The following SHANK2 variants were observed in gnomAD, a reference collection of about 807,000 sequenced individuals.
SHANK2 encodes the protein SH3 and multiple ankyrin repeat domains protein 2.
A neutral mutation model predicts 133.7 loss-of-function variants in SHANK2; 43 were observed. The ratio of observed to expected loss-of-function variants is 0.32; its 90% CI spans 0.25 to 0.41. The LOEUF (loss-of-function observed/expected upper bound fraction) is 0.41. Among genes scored for constraint, SHANK2 ranks in the 10% least tolerant of loss-of-function variants. The probability of loss-of-function intolerance (pLI) is 1.00; values close to 1 mark genes in which losing one functional copy is unlikely to be tolerated. For synonymous variants in SHANK2, 1,017 were observed against 952.8 expected, an observed-to-expected ratio of 1.07 and a Z score of -1.24; for missense variants, 1,994 against 2,235.8, an observed-to-expected ratio of 0.89 and a Z score of 2.18.
intron 17 of SHANK2, among the ~76,000 whole-genome samples, chr11:70,548,468 G>A (rs185272690): frequency 6.6e-6 from 1 of 152,272 alleles, no homozygotes; most frequent in East Asian, 1.9e-4. Context: ...GCTGGGCTCC[G>A]TTCTCAGGGC....
Position 70,581,552 on chromosome 11 carries a change from G to A in SHANK2, c.2061+78276C>T, listed in dbSNP as rs1008978372. Reference sequence around the variant, plus strand: ...CTAAAAATACAAAAATTAACCGGGCGTGGTGGCACGTGCCTGTAATCCCAG... The same window carrying A: ...CTAAAAATACAAAAATTAACCGGGCATGGTGGCACGTGCCTGTAATCCCAG... On this transcript the variant is annotated intron_variant, in intron 17 of 25. Transcript: ENST00000601538. Among the ~76,000 whole-genome samples, 7 of 152,126 alleles carry A rather than the reference G, an allele frequency of 4.6e-5. No homozygotes were observed. In the East Asian group the frequency reaches 5.8e-4, roughly 13 times the overall value.
At chr11:71,180,478 T>C (rs1294669911) in intron 2 of SHANK2, among the ~76,000 whole-genome samples, 9 of 152,084 alleles carry the variant, frequency 5.9e-5, no homozygotes, top group African/African-American at 1.9e-4. Context: ...AAACACGAAG[T>C]TCCTTACCCT....
At chr11:71,153,463 A>T (rs1555108508) in intron 2 of SHANK2, among the ~76,000 whole-genome samples, 2 of 152,216 alleles carry the variant, frequency 1.3e-5, no homozygotes, top group East Asian at 3.8e-4. Context: ...TTGCTCCAAG[A>T]AAACCTAAAA....
chr11:70,718,857 T>C (rs1374527301), intron 14 of SHANK2, among the ~76,000 whole-genome samples: 1 of 151,666 alleles, frequency 6.6e-6, no homozygotes, highest in African/African-American at 2.4e-5. Context: ...AGAGGCAGAG[T>C]GTATGGCAGG....
At chr11:71,084,411 C>A (rs1005377897) in intron 8 of SHANK2, among the ~76,000 whole-genome samples, 1 of 152,156 alleles carries the variant, frequency 6.6e-6, no homozygotes, top group Admixed American at 6.5e-5. Context: ...CCATGTGCAC[C>A]TGGCCTGAGA....
chr11:70,675,682 G>A (rs975079894), intron 15 of SHANK2, among the ~76,000 whole-genome samples: 8 of 152,210 alleles, frequency 5.3e-5, no homozygotes, highest in Admixed American at 4.6e-4. Flanking sequence ...CAGTATCTGA[G>A]CTGCTGGGAG....
chr11:70,548,973 G>A (rs782247989), intron 17 of SHANK2, among the ~76,000 whole-genome samples: 1 of 152,044 alleles, frequency 6.6e-6, no homozygotes, highest in Non-Finnish European at 1.5e-5. Flanking sequence ...AGTAGGCAAG[G>A]CTCCTCCCCC....
chr11:71,106,080 G>T (rs1475613321), intron 6 of SHANK2, among the ~76,000 whole-genome samples: 1 of 152,240 alleles, frequency 6.6e-6, no homozygotes, highest in Non-Finnish European at 1.5e-5. Context: ...GAAACTGGGG[G>T]AGCAGTCAAT....
intron 9 of SHANK2, among the ~76,000 whole-genome samples, chr11:71,065,909 T>A: frequency 2.1e-5 from 1 of 47,502 alleles, no homozygotes; most frequent in Non-Finnish European, 4.0e-5. Context: ...CCCAGGGAGA[T>A]GAGCGGTGAG....
chr11:71,218,661 A>G (rs2919734), intron 2 of SHANK2, among the ~76,000 whole-genome samples: 152,044 of 152,204 alleles, frequency 1, 75,943 homozygotes, highest in Middle Eastern at 1. Flanking sequence ...CCAGCTGTCC[A>G]CATCAGCACA....
rs1591019264 is a variant in SHANK2, at chr11:71,206,250, G to A, written c.-13+18447C>T. Reference sequence around the variant, plus strand: ...ACACACACAGAGCGACTCCAGGAAGGGCTGGAACAACGCCTGCACGTGATC... The same window carrying A: ...ACACACACAGAGCGACTCCAGGAAGAGCTGGAACAACGCCTGCACGTGATC... On this transcript the variant is annotated intron_variant, in intron 2 of 25. Coordinates refer to ENST00000601538, the MANE Select transcript of SHANK2 (RefSeq NM_012309.5). Among the ~76,000 whole-genome samples, 4 of 152,140 alleles carry A rather than the reference G, an allele frequency of 2.6e-5. No homozygotes were observed. In the East Asian group the frequency reaches 7.7e-4, roughly 29 times the overall value.
intron 2 of SHANK2, among the ~76,000 whole-genome samples, chr11:71,218,561 G>A (rs1215028030): frequency 6.6e-6 from 1 of 152,094 alleles, no homozygotes; most frequent in Non-Finnish European, 1.5e-5. Flanking sequence ...CCGGGACCGG[G>A]CTGTTCTATT....
rs538052669 is a variant in SHANK2, at chr11:70,499,297, C to T, written c.2308+1273G>A. On this transcript the variant is annotated intron_variant, in intron 21 of 25. Transcript: ENST00000601538. ...GGGTCTTCCTGCCCACACCCTTGCC[C>T]CCTGTTATATCTGGGGTTGAGGCTC... Among the ~76,000 whole-genome samples the T allele has an allele frequency of 5.3e-5, 8 of 152,366 alleles. No homozygotes were observed. The South Asian group carries it at 1.7e-3, about 32-fold the overall frequency.
At chr11:70,648,638 G>A (rs1032584188) in intron 17 of SHANK2, among the ~76,000 whole-genome samples, 2 of 152,190 alleles carry the variant, frequency 1.3e-5, no homozygotes, top group Non-Finnish European at 2.9e-5. Context: ...CAGTGGGCCT[G>A]GGGAGAGAAG....
intron 17 of SHANK2, among the ~76,000 whole-genome samples, chr11:70,529,516 C>T (rs1294975071): frequency 6.6e-6 from 1 of 152,242 alleles, no homozygotes; most frequent in East Asian, 1.9e-4. Flanking sequence ...AGAAGGTCCT[C>T]CTCTCCTGAC....
At chr11:70,682,887 G>A (rs1174953901) in intron 15 of SHANK2, among the ~76,000 whole-genome samples, 3 of 152,092 alleles carry the variant, frequency 2.0e-5, no homozygotes, top group Admixed American at 2.0e-4. Flanking sequence ...GCTCTTCACC[G>A]CACCACCGAG....
At chr11:70,827,490 A>T (rs1948660574) in intron 11 of SHANK2, among the ~76,000 whole-genome samples, 1 of 152,120 alleles carries the variant, frequency 6.6e-6, no homozygotes. Context: ...AAGTGGATGC[A>T]GGCTGGTGCC....
intron 12 of SHANK2, among the ~76,000 whole-genome samples, chr11:70,808,520 A>G (rs1555052494): frequency 6.6e-6 from 1 of 150,706 alleles, no homozygotes; most frequent in African/African-American, 2.4e-5. Flanking sequence ...CACTATTTTA[A>G]AAAAGACTAG....
At chr11:71,197,684 T>C (rs570026528) in intron 2 of SHANK2, among the ~76,000 whole-genome samples, 36 of 152,338 alleles carry the variant, frequency 2.4e-4, no homozygotes, top group African/African-American at 8.7e-4. Context: ...AGAGTCTCGC[T>C]CTGTCGCCCA....
Sources: allele counts gnomAD v4.1 joint callset (sites outside exome capture counted in the v4.1 genomes callset), GRCh38; gene constraint gnomAD v4.1.1; transcripts MANE v1.5; gene names NCBI Gene and HGNC (gene_info 2026-07-23, HGNC 2026-07-21).